Variants in C22orf42 observed in about 807,000 individuals in gnomAD.
C22orf42 encodes uncharacterized protein C22orf42.
A neutral mutation model predicts 31.4 loss-of-function variants in C22orf42; 24 were observed. The observed-to-expected ratio is 0.77, with a 90% confidence interval of 0.55 to 1.08. The LOEUF is 1.08. C22orf42 is among the 50% of genes least tolerant of loss of function. The pLI is 0.00. For synonymous variants in C22orf42, 96 were observed against 112.7 expected, an observed-to-expected ratio of 0.85 and a Z score of 0.94; for missense variants, 276 against 327.3, an observed-to-expected ratio of 0.84 and a Z score of 1.21.
rs529712859 is a variant in C22orf42 at position 32,151,850 on chromosome 22, T to A, written c.400+217A>T. On this transcript the variant is annotated intron_variant, in intron 4 of 8. Transcript: ENST00000382097. The stretch of plus-strand genomic sequence containing the variant: ...TAGAAACAGGAAGTACATTCGTGGC[T>A]GCCTAGATCCAGGGGTGTGGGAGTT... Among the ~76,000 whole-genome samples, 5 of 152,290 alleles carry A rather than the reference T, an allele frequency of 3.3e-5. No individual in the cohort carries two copies. The East Asian group carries it at 9.6e-4, about 29-fold the overall frequency.
chr22:32,158,540 T>C (rs1290582568), intron 1 of C22orf42, among the ~76,000 whole-genome samples: 2 of 152,212 alleles, frequency 1.3e-5, no homozygotes, highest in Non-Finnish European at 2.9e-5. Flanking sequence ...AAGAATACCA[T>C]ATAATCTCTT....
chr22:32,158,492 A>G (rs1921398082), intron 1 of C22orf42, among the ~76,000 whole-genome samples: 2 of 152,240 alleles, frequency 1.3e-5, no homozygotes, highest in African/African-American at 4.8e-5. Flanking sequence ...TGGAAGAAGT[A>G]AAGCAGCTTC....
In C22orf42 at chr22:32,159,278, C is replaced by T. The variant is rs940783554; in HGVS notation, c.-63G>A. Reference sequence around the variant, plus strand: ...AGGACAGAATGTAGTCGGAGCTCCTCCTCCTTCTACGGCCAGCTACCGACT... The same window carrying T: ...AGGACAGAATGTAGTCGGAGCTCCTTCTCCTTCTACGGCCAGCTACCGACT... On this transcript the variant is annotated 5_prime_UTR_variant, in exon 1 of 9. Coordinates refer to ENST00000382097, the MANE Select transcript of C22orf42 (RefSeq NM_001010859.3). The T allele has an allele frequency of 8.9e-6, 14 of 1,578,584 alleles. No homozygotes were observed. Among genetic ancestry groups the T allele is most frequent in the Non-Finnish European group, 1.2e-5 (14 of 1,167,044 alleles).
Position 32,150,470 on chromosome 22 carries a change from T to G in C22orf42, c.503A>C (p.Glu168Ala). Residue 168 changes from glutamate to alanine, a missense_variant, in exon 7 of 9, where the codon GAA (glutamate) becomes GCA (alanine). Transcript: ENST00000382097. The part of the protein sequence containing the change: ...SEAKHDHHLV[E>A]DLSESLSVCL... ...GACAGATAGGCTTTCACTGAGATCT[T>G]CGACCAAATCTAGGAGAACATAGTG... 6.2e-7 allele frequency: 1 copy of G among 1,614,140 alleles called. No individual in the cohort carries two copies. Among genetic ancestry groups the G allele is most frequent in the South Asian group, 1.1e-5 (1 of 91,074 alleles).
Position 32,149,132 on chromosome 22 carries a change from A to G in C22orf42, c.*408T>C, listed in dbSNP as rs1448084227. ...AGATAAAATATGTAACTAGCACAGT[A>G]CTAGCACAAAATAAGGAGTCAGTTA... On this transcript the variant is annotated 3_prime_UTR_variant, in exon 9 of 9. Transcript: ENST00000382097. 2 of 155,856 alleles carry G rather than the reference A, an allele frequency of 1.3e-5. No homozygotes were observed. The highest frequency in any genetic ancestry group is 1.4e-5 in the Non-Finnish European group (1 of 70,078). 9.7% of individuals were successfully genotyped at this position (155,856 alleles called of 1,614,324 possible).
At chr22:32,152,792 G>A (rs1216363352) in intron 2 of C22orf42, among the ~76,000 whole-genome samples, 166 bp from the exon 3 acceptor site, 2 of 152,200 alleles carry the variant, frequency 1.3e-5, no homozygotes, top group Non-Finnish European at 2.9e-5. Flanking sequence ...GAAGGCAAAG[G>A]AGAGGGGCAG....
chr22:32,149,692 T>C, intron 8 of C22orf42, 61 bp downstream of exon 8: 5 of 1,158,386 alleles, frequency 4.3e-6, no homozygotes, highest in Non-Finnish European at 5.5e-6. Context: ...TATCTACATA[T>C]CTATATCTAT....
chr22:32,149,651 ATAT>A lies in C22orf42; in HGVS notation c.683-41_683-39del, dbSNP rs748086050. The A allele has an allele frequency of 4.0e-4, 429 of 1,059,342 alleles. 4 individuals are homozygous for A. The highest frequency in any genetic ancestry group is 8.4e-4 in the African/African-American group (47 of 55,740). 65.6% of individuals were successfully genotyped at this position (1,059,342 alleles called of 1,614,324 possible). On this transcript the variant is annotated intron_variant, in intron 8 of 8. Transcript: ENST00000382097. Reference sequence around the variant, plus strand: ...AACAAGACTTCATCTCAAAAAAAAAATATATATATATATATATCTACATATATG... The same window carrying A: ...AACAAGACTTCATCTCAAAAAAAAAAATATATATATATATCTACATATATG...
chr22:32,151,327 C>T (rs879056609), intron 5 of C22orf42, among the ~76,000 whole-genome samples, 160 bp downstream of exon 5: 2 of 152,214 alleles, frequency 1.3e-5, no homozygotes, highest in Non-Finnish European at 2.9e-5. Flanking sequence ...CATCGTCAAT[C>T]AGGCCTCAGT....
chr22:32,158,544 A>G (rs1696773157), intron 1 of C22orf42, among the ~76,000 whole-genome samples: 1 of 152,164 alleles, frequency 6.6e-6, no homozygotes, highest in Non-Finnish European at 1.5e-5. Flanking sequence ...ATACCATATA[A>G]TCTCTTCCAT....
intron 6 of C22orf42, 40 bp downstream of exon 6, chr22:32,150,952 A>C: frequency 6.3e-7 from 1 of 1,579,720 alleles, no homozygotes; most frequent in Non-Finnish European, 8.7e-7. Flanking sequence ...TTTGCATGTC[A>C]ACTACACGTA....
rs568576487 is a variant in C22orf42, at chr22:32,152,567, C to G, written c.367G>C (p.Asp123His). ...GAGAAAGAAATACATCTTACAATAT[C>G]TGATGTCATATTCTCCTCCACACCG... ...HGGVEENMTS[D>H]IEIPEAKHDH... Residue 123 changes from aspartate (D) to histidine (H), a missense_variant, in exon 3 of 9, where the codon GAT (aspartate) becomes CAT (histidine). Transcript: ENST00000382097. 3.7e-5 allele frequency: 60 copies of G among 1,607,044 alleles called. No individual in the cohort carries two copies. In the East Asian group the frequency reaches 1.3e-3, roughly 35 times the overall value.
At position 32,154,305 on chromosome 22, in the gene C22orf42, G is replaced by A; in HGVS notation, c.246C>T (p.Arg82=). 2 of 1,612,854 alleles carry A rather than the reference G, an allele frequency of 1.2e-6. No homozygotes were observed. The highest frequency in any genetic ancestry group is 1.7e-6 in the Non-Finnish European group (2 of 1,179,562). ...MLKMSKGLDA[R]SKRWLKIIWR... ...ATATTATTTTTAACCAGCGCTTGGA[G>A]CGGGCGTCCAAACCTGCAAGGTAGA... The change falls in exon 2 of 9, where the codon CGC becomes CGT. Residue 82 remains arginine (R), a synonymous_variant. Transcript: ENST00000382097.
intron 1 of C22orf42, among the ~76,000 whole-genome samples, chr22:32,157,906 G>C (rs1251088921): frequency 6.6e-6 from 1 of 152,290 alleles, no homozygotes; most frequent in Non-Finnish European, 1.5e-5. Flanking sequence ...CCTCTGTGGT[G>C]ACTGCACTAT....
At position 32,149,620 on chromosome 22, in the gene C22orf42, G is replaced by C. The variant is rs1197441630; in HGVS notation, c.683-7C>G. 7 of 1,462,272 alleles carry C rather than the reference G, an allele frequency of 4.8e-6. No homozygotes were observed. Among genetic ancestry groups the C allele is most frequent in the Admixed American group, 2.1e-5 (1 of 47,570 alleles). The allele number at this position is 1,462,272 out of a possible 1,614,324, so 90.6% of individuals were successfully genotyped here. On this transcript the variant is annotated splice_region_variant and splice_polypyrimidine_tract_variant and intron_variant, in intron 8 of 8. Transcript: ENST00000382097. Reference sequence around the variant, plus strand: ...CGTGCCATCTTAACCCAGCCTAGGGGAAAAGAACAAGACTTCATCTCAAAA... The same window carrying C: ...CGTGCCATCTTAACCCAGCCTAGGGCAAAAGAACAAGACTTCATCTCAAAA...
intron 6 of C22orf42, chr22:32,150,742 A>G (rs924658763): frequency 1.6e-5 from 10 of 631,294 alleles, no homozygotes; most frequent in Non-Finnish European, 2.6e-5. Context: ...ACAGAAAAGC[A>G]CTGTACTATA....
chr22:32,157,777 A>G (rs5998260), intron 1 of C22orf42, among the ~76,000 whole-genome samples: 9,435 of 151,482 alleles, frequency 0.062, 18 homozygotes, highest in African/African-American at 0.18. Flanking sequence ...AAAGCCTCCT[A>G]TGTCACCTGG....
intron 1 of C22orf42, among the ~76,000 whole-genome samples, chr22:32,155,420 T>A (rs7290491): frequency 0.22 from 32,938 of 147,468 alleles, 3,837 homozygotes; most frequent in Middle Eastern, 0.28. Flanking sequence ...TACCTAAATC[T>A]CCCATCAGGT....
rs758392170 is a variant in C22orf42 at position 32,159,205 on chromosome 22, T to C, written c.11A>G (p.Lys4Arg). Residue 4 changes from lysine to arginine, a missense_variant, in exon 1 of 9, where the codon AAA (lysine) becomes AGA (arginine). Transcript: ENST00000382097. MGS[K>R]LTCCLGPSGG... ...GCTGGGGCCCAGGCAGCAAGTCAGT[T>C]TGCTCCCCATTGGGCACCTAAACAC... 10 of 1,613,166 alleles carry C rather than the reference T, an allele frequency of 6.2e-6. No homozygotes were observed. Among genetic ancestry groups the C allele is most frequent in the Non-Finnish European group, 8.5e-6 (10 of 1,180,016 alleles).
Sources: allele counts gnomAD v4.1 joint callset (sites outside exome capture counted in the v4.1 genomes callset), GRCh38; gene constraint gnomAD v4.1.1; transcripts MANE v1.5; gene names NCBI Gene and HGNC (gene_info 2026-07-23, HGNC 2026-07-21).